Variants in ASAP1 observed in about 807,000 individuals in gnomAD.
ASAP1 encodes arf-GAP with SH3 domain, ANK repeat and PH domain-containing protein 1.
In ASAP1, 43 loss-of-function variants were observed where a neutral mutation model predicts 145.2. That is an observed-to-expected ratio of 0.30 (90% CI 0.23 to 0.38). The LOEUF is 0.38. Among genes scored for constraint, ASAP1 ranks in the 10% least tolerant of loss-of-function variants. The pLI is 1.00. For missense variants in ASAP1, 1,018 were observed against 1,355.3 expected (o/e 0.75, Z 3.91); for synonymous variants, 546 against 515.5 (o/e 1.06, Z -0.80).
intron 5 of ASAP1, among the ~76,000 whole-genome samples, chr8:130,189,255 G>C (rs1814967584): frequency 6.6e-6 from 1 of 152,038 alleles, no homozygotes; most frequent in Non-Finnish European, 1.5e-5. Context: ...ACACTAGACT[G>C]TGTTACTTCT....
chr8:130,304,514 C>T (rs1054844020), intron 3 of ASAP1, among the ~76,000 whole-genome samples: 8 of 152,228 alleles, frequency 5.3e-5, no homozygotes, highest in African/African-American at 1.7e-4. Context: ...CCAACCTTCA[C>T]GCATCTGCAC....
intron 23 of ASAP1, among the ~76,000 whole-genome samples, chr8:130,113,725 TTG>T (rs753114047): frequency 1.7e-4 from 26 of 152,124 alleles, no homozygotes; most frequent in Non-Finnish European, 3.5e-4. Context: ...TAAATTCTCT[TTG>T]TAAGTTTTCT....
At chr8:130,327,590 T>C (rs937290729) in intron 3 of ASAP1, among the ~76,000 whole-genome samples, 2 of 152,222 alleles carry the variant, frequency 1.3e-5, no homozygotes, top group African/African-American at 4.8e-5. Flanking sequence ...ATATTTCCTA[T>C]AATCATGAAA....
At chr8:130,310,138 T>TG (rs368989712) in intron 3 of ASAP1, among the ~76,000 whole-genome samples, 20,650 of 51,938 alleles carry the variant, frequency 0.4, 2,325 homozygotes, top group East Asian at 0.58. Context: ...CAGTTTTTTT[T>TG]GGGGGGGGGA....
chr8:130,072,824 T>TGCGCGCGCGCGCGCGCGCGCGCGC (rs71303498), intron 27 of ASAP1, among the ~76,000 whole-genome samples: 4 of 32,270 alleles, frequency 1.2e-4, no homozygotes, highest in Admixed American at 3.6e-4. Context: ...TGTGTGTGTG[T>TGCGCGCGCGCGCGCGCGCGCGCGC]GCGCGCGGGG....
chr8:130,350,639 A>G (rs951501886), intron 3 of ASAP1, among the ~76,000 whole-genome samples: 1 of 152,226 alleles, frequency 6.6e-6, no homozygotes, highest in South Asian at 2.1e-4. Flanking sequence ...AGTGTCCACT[A>G]ATTTTTCCAC....
At chr8:130,196,728 G>C (rs573174713) in intron 5 of ASAP1, among the ~76,000 whole-genome samples, 1 of 152,314 alleles carries the variant, frequency 6.6e-6, no homozygotes, top group East Asian at 1.9e-4. Flanking sequence ...CAGTTTCTCT[G>C]AAAGTAAGGC....
intron 27 of ASAP1, among the ~76,000 whole-genome samples, chr8:130,064,038 G>A (rs940065711): frequency 2.0e-5 from 3 of 152,160 alleles, no homozygotes; most frequent in Admixed American, 6.5e-5. Context: ...GCAAGAGTGC[G>A]TCAAAAATGT....
intron 7 of ASAP1, among the ~76,000 whole-genome samples, chr8:130,186,790 T>G (rs1365126040): frequency 6.6e-6 from 1 of 152,158 alleles, no homozygotes; most frequent in East Asian, 1.9e-4. Flanking sequence ...ACAGATAGTT[T>G]CCTGTGAAGA....
intron 3 of ASAP1, among the ~76,000 whole-genome samples, chr8:130,319,202 G>C (rs1018122503): frequency 5.3e-5 from 8 of 152,186 alleles, no homozygotes; most frequent in African/African-American, 1.9e-4. Context: ...GCTAGAAATA[G>C]AATGGCACCC....
In ASAP1 at chr8:130,167,488, A is replaced by G. The variant is rs1244445439; in HGVS notation, c.909+48T>C. 5 of 1,455,088 alleles carry G rather than the reference A, an allele frequency of 3.4e-6. No homozygotes were observed. In the African/African-American group the frequency reaches 7.0e-5, roughly 20 times the overall value. The allele number at this position is 1,455,088 out of a possible 1,614,324, so 90.1% of individuals were successfully genotyped here. A position where few individuals can be genotyped will look rare whatever the true frequency, so the allele number is the denominator to read the frequency against. On this transcript the variant is annotated intron_variant, in intron 11 of 29. Transcript: ENST00000518721. ...AGGAAACACAAAGGGTATTACAAGC[A>G]GCCTTACCTACACTGTTAGCCCTGT...
At chr8:130,115,305 A>G (rs1356080125) in intron 23 of ASAP1, among the ~76,000 whole-genome samples, 1 of 152,240 alleles carries the variant, frequency 6.6e-6, no homozygotes, top group Non-Finnish European at 1.5e-5. Context: ...TAGCCTGAAG[A>G]CTGCAACATT....
intron 3 of ASAP1, among the ~76,000 whole-genome samples, chr8:130,284,644 C>A (rs925352782): frequency 6.6e-6 from 1 of 152,038 alleles, no homozygotes; most frequent in African/African-American, 2.4e-5. Flanking sequence ...AGACCACATG[C>A]AGACTGTGAT....
intron 4 of ASAP1, among the ~76,000 whole-genome samples, chr8:130,230,892 C>T (rs1817873144): frequency 1.3e-5 from 2 of 152,084 alleles, no homozygotes; most frequent in South Asian, 4.1e-4. Flanking sequence ...CCACTGAAAA[C>T]CGCAGGATTA....
In ASAP1 at chr8:130,053,138, G is replaced by C. The variant is rs190608051; in HGVS notation, c.*1593C>G. ...AAGCAGAACTAAATTAATATTCACT[G>C]AGCACTGTAACGATGGAAGAGGGCT... On this transcript the variant is annotated 3_prime_UTR_variant, in exon 30 of 30. Coordinates refer to ENST00000518721, the MANE Select transcript of ASAP1 (RefSeq NM_018482.4). The C allele has an allele frequency of 1.8e-3, 280 of 152,346 alleles. No homozygotes were observed. Among genetic ancestry groups the C allele is most frequent in the African/African-American group, 6.6e-3 (273 of 41,570 alleles). The allele number at this position is 152,346 out of a possible 1,614,324, so 9.4% of individuals were successfully genotyped here. A position where few individuals can be genotyped will look rare whatever the true frequency, so the allele number is the denominator to read the frequency against.
chr8:130,278,236 T>C (rs960830582), intron 3 of ASAP1, among the ~76,000 whole-genome samples: 1 of 152,206 alleles, frequency 6.6e-6, no homozygotes, highest in Non-Finnish European at 1.5e-5. Context: ...TGTAGTAACA[T>C]GAGCATTTCA....
intron 3 of ASAP1, among the ~76,000 whole-genome samples, chr8:130,319,186 T>C (rs1823852725): frequency 6.6e-6 from 1 of 152,184 alleles, no homozygotes; most frequent in Non-Finnish European, 1.5e-5. Context: ...CAAGGAAGCT[T>C]CTGCAGCTAG....
chr8:130,334,131 T>C (rs1284331220), intron 3 of ASAP1, among the ~76,000 whole-genome samples: 2 of 152,074 alleles, frequency 1.3e-5, no homozygotes, highest in Non-Finnish European at 2.9e-5. Context: ...TTGCTTCTGC[T>C]CCTTCTGGCA....
intron 3 of ASAP1, among the ~76,000 whole-genome samples, chr8:130,294,409 T>G (rs541737503): frequency 6.6e-6 from 1 of 152,184 alleles, no homozygotes; most frequent in Non-Finnish European, 1.5e-5. Flanking sequence ...ATTCAACATA[T>G]ACAGGTGAGA....
Sources: allele counts gnomAD v4.1 joint callset (sites outside exome capture counted in the v4.1 genomes callset), GRCh38; gene constraint gnomAD v4.1.1; transcripts MANE v1.5; gene names NCBI Gene and HGNC (gene_info 2026-07-23, HGNC 2026-07-21).